Variants in OPCML observed in about 807,000 individuals in gnomAD.
OPCML encodes opioid-binding protein/cell adhesion molecule.
A neutral mutation model predicts 37.8 loss-of-function variants in OPCML; 13 were observed. The observed-to-expected ratio is 0.34, with a 90% CI of 0.22 to 0.55. The LOEUF is 0.55. OPCML is among the 20% of genes least tolerant of loss of function. The probability of loss-of-function intolerance (pLI) is 0.91; values close to 1 mark genes in which losing one functional copy is unlikely to be tolerated. For missense variants in OPCML, 341 were observed against 435.6 expected, an observed-to-expected ratio of 0.78 and a Z score of 1.93; for synonymous variants, 176 against 168.8, an observed-to-expected ratio of 1.04 and a Z score of -0.33.
chr11:133,461,517 A>G (rs776063051), intron 1 of OPCML, among the ~76,000 whole-genome samples: 1 of 152,006 alleles, frequency 6.6e-6, no homozygotes, highest in Non-Finnish European at 1.5e-5. Flanking sequence ...AAAATACTTA[A>G]GAATAAACTT....
chr11:133,369,582 G>A (rs568658374), intron 1 of OPCML, among the ~76,000 whole-genome samples: 61 of 152,218 alleles, frequency 4.0e-4, no homozygotes, highest in Middle Eastern at 3.4e-3. Flanking sequence ...ATAAGATATT[G>A]TCACAAAGTA....
At chr11:132,712,649 T>C (rs1044096644) in intron 2 of OPCML, among the ~76,000 whole-genome samples, 5 of 152,202 alleles carry the variant, frequency 3.3e-5, no homozygotes, top group Non-Finnish European at 1.5e-5. Flanking sequence ...TTCATCACGT[T>C]TCATTCGCTG....
At chr11:132,746,425 C>T (rs936927329) in intron 2 of OPCML, among the ~76,000 whole-genome samples, 1 of 152,154 alleles carries the variant, frequency 6.6e-6, no homozygotes, top group African/African-American at 2.4e-5. Context: ...TGAGGAGACA[C>T]CACTCTCATC....
chr11:132,998,052 C>T (rs553153257), intron 1 of OPCML, among the ~76,000 whole-genome samples: 4 of 152,242 alleles, frequency 2.6e-5, no homozygotes, highest in East Asian at 1.9e-4. Flanking sequence ...GGCATAGTTC[C>T]GCCATCTGAT....
At chr11:132,572,824 T>C (rs1481161046) in intron 3 of OPCML, among the ~76,000 whole-genome samples, 1 of 152,088 alleles carries the variant, frequency 6.6e-6, no homozygotes, top group Non-Finnish European at 1.5e-5. Context: ...GCATTAAAAC[T>C]GTAGATTATT....
At chr11:132,807,560 T>G in intron 2 of OPCML, among the ~76,000 whole-genome samples, 1 of 152,242 alleles carries the variant, frequency 6.6e-6, no homozygotes, top group East Asian at 1.9e-4. Flanking sequence ...ATACTGGTTC[T>G]GAATGGGGCT....
intron 4 of OPCML, among the ~76,000 whole-genome samples, chr11:132,521,759 TTAAAG>T (rs750603308): frequency 4.6e-5 from 7 of 152,068 alleles, no homozygotes; most frequent in Non-Finnish European, 1.0e-4. Flanking sequence ...ATTCCAGAAC[TTAAAG>T]TAAATTAAAA....
At chr11:132,961,054 C>T (rs1293212825) in intron 1 of OPCML, among the ~76,000 whole-genome samples, 4 of 152,198 alleles carry the variant, frequency 2.6e-5, no homozygotes, top group Non-Finnish European at 5.9e-5. Context: ...GCATGAGTGA[C>T]TTTCTTCTTC....
chr11:133,308,827 A>G (rs1248931253), intron 1 of OPCML, among the ~76,000 whole-genome samples: 1 of 152,216 alleles, frequency 6.6e-6, no homozygotes, highest in Non-Finnish European at 1.5e-5. Context: ...GCAATCTTTA[A>G]AAAAGAGAGA....
At chr11:133,162,502 T>A (rs1190007361) in intron 1 of OPCML, among the ~76,000 whole-genome samples, 1 of 152,200 alleles carries the variant, frequency 6.6e-6, no homozygotes, top group Non-Finnish European at 1.5e-5. Context: ...CCGGCCAGGT[T>A]CCCGTCATGT....
intron 1 of OPCML, among the ~76,000 whole-genome samples, chr11:133,183,375 T>C (rs111481947): frequency 0.014 from 2,117 of 152,258 alleles, 17 homozygotes; most frequent in Non-Finnish European, 0.02. Context: ...AACTTTTCAC[T>C]CCACAGAAAA....
chr11:132,822,280 C>T (rs1182701595), intron 2 of OPCML, among the ~76,000 whole-genome samples: 4 of 152,096 alleles, frequency 2.6e-5, no homozygotes, highest in South Asian at 2.1e-4. Flanking sequence ...CCCCCCACCG[C>T]TTGCCAGAGT....
chr11:132,598,595 G>A (rs978421344), intron 3 of OPCML, among the ~76,000 whole-genome samples: 8 of 151,998 alleles, frequency 5.3e-5, no homozygotes, highest in South Asian at 2.1e-4. Context: ...ATATTAATCC[G>A]AATAAGTTGG....
chr11:132,870,600 C>T (rs1328794504), intron 2 of OPCML, among the ~76,000 whole-genome samples: 5 of 152,180 alleles, frequency 3.3e-5, no homozygotes, highest in Non-Finnish European at 7.3e-5. Context: ...TGTCTGCCCT[C>T]TCATGTTCAT....
At chr11:132,666,171 GAA>G (rs1338062355) in intron 2 of OPCML, among the ~76,000 whole-genome samples, 2 of 152,174 alleles carry the variant, frequency 1.3e-5, no homozygotes, top group South Asian at 2.1e-4. Context: ...AATTTATAAA[GAA>G]AAGAGGTTTA....
chr11:133,202,222 A>G (rs1282943961), intron 1 of OPCML, among the ~76,000 whole-genome samples: 1 of 152,156 alleles, frequency 6.6e-6, no homozygotes, highest in Non-Finnish European at 1.5e-5. Context: ...CTCCGGCTGA[A>G]GCCATCCTTC....
intron 2 of OPCML, among the ~76,000 whole-genome samples, chr11:132,813,578 C>T (rs1052441026): frequency 2.8e-4 from 43 of 152,288 alleles, no homozygotes; most frequent in African/African-American, 8.9e-4. Flanking sequence ...AAATCTCACT[C>T]TTAGCTGACT....
At chr11:132,582,629 C>T (rs1479533029) in intron 3 of OPCML, among the ~76,000 whole-genome samples, 1 of 152,002 alleles carries the variant, frequency 6.6e-6, no homozygotes, top group Admixed American at 6.6e-5. Flanking sequence ...AGAAAATTTT[C>T]ACCAAAATGA....
intron 2 of OPCML, among the ~76,000 whole-genome samples, chr11:132,753,475 G>A (rs58788254): frequency 0.041 from 6,223 of 152,254 alleles, 246 homozygotes; most frequent in African/African-American, 0.11. Context: ...TGTTTAGCTA[G>A]TTAGCCAGCT....
Sources: allele counts gnomAD v4.1 joint callset (sites outside exome capture counted in the v4.1 genomes callset), GRCh38; gene constraint gnomAD v4.1.1; transcripts MANE v1.5; gene names NCBI Gene and HGNC (gene_info 2026-07-23, HGNC 2026-07-21).